Variants in ALMS1 observed in about 807,000 individuals in gnomAD.
ALMS1 encodes centrosome-associated protein ALMS1.
ALMS1 carries 271 observed loss-of-function variants against 352.2 expected under a neutral mutation model. The observed-to-expected ratio is 0.77, with a 90% CI of 0.70 to 0.85. The LOEUF (loss-of-function observed/expected upper bound fraction) is 0.85. ALMS1 is among the 40% of genes least tolerant of loss of function. The probability of loss-of-function intolerance (pLI) is 0.00; values close to 1 mark genes in which losing one functional copy is unlikely to be tolerated. For synonymous variants in ALMS1, 1,865 were observed against 1,761.2 expected (o/e 1.06, Z -1.48); for missense variants, 5,445 against 4,870.7 (o/e 1.12, Z -3.51).
intron 1 of ALMS1, among the ~76,000 whole-genome samples, chr2:73,390,971 A>G (rs557959507): frequency 6.6e-6 from 1 of 152,038 alleles, no homozygotes; most frequent in African/African-American, 2.4e-5. Context: ...GGGTTTCACC[A>G]TGTTGGCCAG....
chr2:73,600,710 C>T lies in ALMS1; in HGVS notation c.11701C>T (p.His3901Tyr). The change falls in exon 18 of 23, where the codon CAC becomes TAC. Residue 3901 changes from histidine to tyrosine, a missense_variant. By Grantham distance (83) the His-to-Tyr change is moderately conservative. Coordinates refer to ENST00000613296, the MANE Select transcript of ALMS1 (RefSeq NM_001378454.1). ...GGAGATTGTGAACGGTGCCAAAAAA[C>T]ACACTCGAGATGTTGGGATAACTTT... ...NLEIVNGAKK[H>Y]TRDVGITFPT... 1 of 1,614,028 alleles carries T rather than the reference C, an allele frequency of 6.2e-7. No homozygotes were observed. The highest frequency in any genetic ancestry group is 8.5e-7 in the Non-Finnish European group (1 of 1,179,956).
chr2:73,520,454 A>G (rs974669522), intron 11 of ALMS1, among the ~76,000 whole-genome samples: 1 of 152,234 alleles, frequency 6.6e-6, no homozygotes, highest in African/African-American at 2.4e-5. Flanking sequence ...GTGATAGTGC[A>G]AACACAATAG....
At chr2:73,579,646 G>T (rs1472567415) in intron 16 of ALMS1, among the ~76,000 whole-genome samples, 1 of 152,106 alleles carries the variant, frequency 6.6e-6, no homozygotes, top group Non-Finnish European at 1.5e-5. Context: ...TTAAAGTTTT[G>T]CTGGAGGTAG....
chr2:73,421,526 G>C (rs1335736019), intron 3 of ALMS1, among the ~76,000 whole-genome samples: 1 of 152,100 alleles, frequency 6.6e-6, no homozygotes, highest in Non-Finnish European at 1.5e-5. Flanking sequence ...GGTGGCAAAG[G>C]TTATTGTTAC....
chr2:73,495,699 A>G (rs1673089996), intron 10 of ALMS1, among the ~76,000 whole-genome samples: 1 of 152,138 alleles, frequency 6.6e-6, no homozygotes, highest in Non-Finnish European at 1.5e-5. Flanking sequence ...GTGTATACTC[A>G]TATCTGTATC....
intron 12 of ALMS1, among the ~76,000 whole-genome samples, chr2:73,547,304 C>T (rs1674342938): frequency 6.6e-6 from 1 of 152,008 alleles, no homozygotes; most frequent in Non-Finnish European, 1.5e-5. Flanking sequence ...ATCTGTAATA[C>T]CAAAAAAAGC....
chr2:73,562,609 C>T (rs1189014889), intron 15 of ALMS1, among the ~76,000 whole-genome samples: 2 of 152,116 alleles, frequency 1.3e-5, no homozygotes, highest in East Asian at 3.9e-4. Context: ...AATTATAGGC[C>T]AGACGCGGTG....
chr2:73,386,956 T>G (rs1474862095), intron 1 of ALMS1, among the ~76,000 whole-genome samples: 1 of 152,222 alleles, frequency 6.6e-6, no homozygotes. Flanking sequence ...CGTGTGGCTT[T>G]TTACATCTTA....
chr2:73,504,181 T>A (rs1431815917), intron 10 of ALMS1, among the ~76,000 whole-genome samples: 1 of 152,162 alleles, frequency 6.6e-6, no homozygotes, highest in East Asian at 1.9e-4. Flanking sequence ...TATAATGCAT[T>A]ATCAAAACCA....
intron 12 of ALMS1, among the ~76,000 whole-genome samples, chr2:73,539,078 A>G (rs1372855072): frequency 6.6e-6 from 1 of 152,168 alleles, no homozygotes; most frequent in Non-Finnish European, 1.5e-5. Flanking sequence ...GAACGGACAG[A>G]TTACCTCCTC....
intron 16 of ALMS1, among the ~76,000 whole-genome samples, chr2:73,594,391 C>T (rs1675502526): frequency 6.6e-6 from 1 of 152,218 alleles, no homozygotes; most frequent in African/African-American, 2.4e-5. Context: ...AAAACGGAAA[C>T]ATTCCAAGGC....
At chr2:73,516,966 A>G (rs959586667) in intron 10 of ALMS1, among the ~76,000 whole-genome samples, 1 of 152,016 alleles carries the variant, frequency 6.6e-6, no homozygotes, top group Non-Finnish European at 1.5e-5. Context: ...AGGCCTCTCC[A>G]TCTAGTGGGA....
intron 12 of ALMS1, among the ~76,000 whole-genome samples, chr2:73,547,305 C>CA (rs1364668262): frequency 1.3e-5 from 2 of 151,940 alleles, no homozygotes; most frequent in Admixed American, 1.3e-4. Context: ...TCTGTAATAC[C>CA]AAAAAAAGCA....
At chr2:73,389,193 G>A (rs930069544) in intron 1 of ALMS1, among the ~76,000 whole-genome samples, 4 of 152,142 alleles carry the variant, frequency 2.6e-5, no homozygotes, top group Non-Finnish European at 5.9e-5. Context: ...GATGCTTAGT[G>A]ATGTTGAGCA....
At chr2:73,466,928 T>C (rs1572950292) in intron 9 of ALMS1, among the ~76,000 whole-genome samples, 1 of 152,138 alleles carries the variant, frequency 6.6e-6, no homozygotes, top group Non-Finnish European at 1.5e-5. Flanking sequence ...AAAGCTGTTA[T>C]TTACTTTAGC....
chr2:73,513,319 C>A (rs923070233), intron 10 of ALMS1, among the ~76,000 whole-genome samples: 1 of 152,140 alleles, frequency 6.6e-6, no homozygotes, highest in African/African-American at 2.4e-5. Context: ...CTCCCCACCC[C>A]ACGTAGGTTC....
intron 8 of ALMS1, among the ~76,000 whole-genome samples, chr2:73,454,706 A>G (rs1672023097): frequency 6.6e-6 from 1 of 152,198 alleles, no homozygotes; most frequent in Non-Finnish European, 1.5e-5. Flanking sequence ...TTGGGAGGCA[A>G]TTTAAAAGCA....
chr2:73,568,312 T>C (rs1674845482), intron 15 of ALMS1, among the ~76,000 whole-genome samples: 1 of 152,188 alleles, frequency 6.6e-6, no homozygotes, highest in Non-Finnish European at 1.5e-5. Context: ...TTGGATGATA[T>C]CTAACTAATG....
chr2:73,459,854 T>G (rs1382248107), intron 9 of ALMS1, among the ~76,000 whole-genome samples: 1 of 152,214 alleles, frequency 6.6e-6, no homozygotes, highest in African/African-American at 2.4e-5. Context: ...TCTGTATGCT[T>G]GGTGTGCTTA....
Sources: gnomAD v4.1 joint callset for allele counts (sites outside exome capture counted in the v4.1 genomes callset) on GRCh38, gnomAD v4.1.1 for gene constraint, MANE v1.5 for transcripts, NCBI Gene and HGNC (gene_info 2026-07-23, HGNC 2026-07-21) for gene names.